The following CCSER1 variants were observed in gnomAD, a reference collection of about 807,000 sequenced individuals.
CCSER1 encodes coiled-coil serine rich protein 1, also known as serine-rich coiled-coil domain-containing protein 1.
CCSER1 carries 41 observed loss-of-function variants against 82.0 expected under a neutral mutation model. The observed-to-expected ratio is 0.50, with a 90% CI of 0.39 to 0.65. CCSER1 has a LOEUF of 0.65. Ranked by LOEUF, CCSER1 falls within the 30% of genes least tolerant of loss-of-function variation. CCSER1 has a pLI of 0.00. For synonymous variants in CCSER1, 414 were observed against 383.9 expected, an observed-to-expected ratio of 1.08 and a Z score of -0.92; for missense variants, 1,119 against 1,064.2, an observed-to-expected ratio of 1.05 and a Z score of -0.72.
chr4:90,963,834 T>C (rs956248543), intron 9 of CCSER1, among the ~76,000 whole-genome samples: 1 of 152,210 alleles, frequency 6.6e-6, no homozygotes, highest in African/African-American at 2.4e-5. Flanking sequence ...TTATGATCTA[T>C]TGAAAGGTTC....
intron 10 of CCSER1, among the ~76,000 whole-genome samples, chr4:91,470,628 T>C (rs1757224146): frequency 6.6e-6 from 1 of 152,070 alleles, no homozygotes; most frequent in South Asian, 2.1e-4. Context: ...CTCATGCCTA[T>C]TCTGATAGAA....
intron 7 of CCSER1, among the ~76,000 whole-genome samples, chr4:90,813,491 A>G (rs925642070): frequency 4.3e-4 from 65 of 152,270 alleles, no homozygotes; most frequent in African/African-American, 1.5e-3. Context: ...CTTGAATTGT[A>G]TCTCCCAGAA....
chr4:90,705,486 A>C (rs1190254683), intron 6 of CCSER1, among the ~76,000 whole-genome samples: 1 of 151,996 alleles, frequency 6.6e-6, no homozygotes, highest in Non-Finnish European at 1.5e-5. Context: ...GAGAACTACT[A>C]CTCTCTTCAA....
chr4:91,166,400 AC>A (rs1322848369), intron 10 of CCSER1, among the ~76,000 whole-genome samples: 3 of 152,156 alleles, frequency 2.0e-5, no homozygotes, highest in Non-Finnish European at 4.4e-5. Flanking sequence ...CTTTCCCATT[AC>A]CCAAATGTTC....
At chr4:90,573,319 G>A (rs1333808953) in intron 5 of CCSER1, among the ~76,000 whole-genome samples, 2 of 152,180 alleles carry the variant, frequency 1.3e-5, no homozygotes, top group Non-Finnish European at 2.9e-5. Context: ...GTTGCAGCTG[G>A]GTCAGGTCTG....
At chr4:90,845,357 T>G (rs1015159840) in intron 8 of CCSER1, among the ~76,000 whole-genome samples, 4 of 101,752 alleles carry the variant, frequency 3.9e-5, no homozygotes, top group Non-Finnish European at 7.5e-5. Context: ...TGAGACGCCA[T>G]CTAAAAAAAA....
At chr4:91,103,609 T>A (rs890863399) in intron 10 of CCSER1, among the ~76,000 whole-genome samples, 19 of 152,172 alleles carry the variant, frequency 1.2e-4, no homozygotes, top group African/African-American at 4.6e-4. Context: ...CATGGACGTT[T>A]ATCAGTTCCC....
intron 5 of CCSER1, among the ~76,000 whole-genome samples, chr4:90,585,962 T>G (rs555798232): frequency 1.3e-5 from 2 of 152,174 alleles, no homozygotes; most frequent in Non-Finnish European, 2.9e-5. Context: ...AACTTACAAC[T>G]GAAAAATAGG....
rs1730252772 is a variant in CCSER1, at chr4:90,932,986, A to AAGAAAGAAAGAAAGAAAGAAAG, written c.2172+9541_2172+9562dup. On this transcript the variant is annotated intron_variant, in intron 9 of 10. Transcript: ENST00000509176. ...AGAAAGAAAGAAAGAAAGAAAGAGA[A>AAGAAAGAAAGAAAGAAAGAAAG]AGAAAGAAAGAAAGAAAGAAAGAAA... Among the ~76,000 whole-genome samples, 9 of 29,174 alleles carry AAGAAAGAAAGAAAGAAAGAAAG rather than the reference A, an allele frequency of 3.1e-4. 2 individuals are homozygous for AAGAAAGAAAGAAAGAAAGAAAG. The highest frequency in any genetic ancestry group is 8.5e-4 in the South Asian group (1 of 1,172). 19.1% of individuals were successfully genotyped at this position (29,174 alleles called of 152,430 possible).
intron 8 of CCSER1, among the ~76,000 whole-genome samples, chr4:90,826,632 G>T (rs570964466): frequency 3.3e-5 from 5 of 152,220 alleles, no homozygotes; most frequent in East Asian, 1.9e-4. Flanking sequence ...AATTCAGGGG[G>T]ATTATGTGAT....
intron 10 of CCSER1, among the ~76,000 whole-genome samples, chr4:91,304,214 C>T (rs1315455149): frequency 1.3e-5 from 2 of 151,730 alleles, no homozygotes; most frequent in Non-Finnish European, 2.9e-5. Context: ...AAATGAAATT[C>T]AAAATTTTAT....
intron 8 of CCSER1, among the ~76,000 whole-genome samples, chr4:90,895,588 A>G (rs1723587191): frequency 1.3e-5 from 2 of 151,972 alleles, no homozygotes; most frequent in South Asian, 4.1e-4. Context: ...TTCACAATGA[A>G]GTAAAATGTA....
intron 10 of CCSER1, among the ~76,000 whole-genome samples, chr4:91,276,293 C>CTTTTTTT (rs545936410): frequency 3.4e-5 from 4 of 116,262 alleles, no homozygotes; most frequent in East Asian, 2.6e-4. Flanking sequence ...GATGTCTTTC[C>CTTTTTTT]TTTTTTTTTT....
chr4:91,173,160 T>C (rs908261889), intron 10 of CCSER1, among the ~76,000 whole-genome samples: 1 of 152,160 alleles, frequency 6.6e-6, no homozygotes, highest in Non-Finnish European at 1.5e-5. Flanking sequence ...GCTAAGTAAT[T>C]ATATGTGAGG....
chr4:91,326,651 T>C (rs1000211469), intron 10 of CCSER1, among the ~76,000 whole-genome samples: 2 of 152,200 alleles, frequency 1.3e-5, no homozygotes, highest in Non-Finnish European at 1.5e-5. Flanking sequence ...TCCTAACTCA[T>C]TCCATCATTA....
chr4:90,356,716 A>G (rs940372940), intron 3 of CCSER1, among the ~76,000 whole-genome samples: 4 of 151,886 alleles, frequency 2.6e-5, no homozygotes, highest in Admixed American at 2.0e-4. Context: ...TATGTATCCA[A>G]TACTGATACC....
In CCSER1 at chr4:90,455,818, A is replaced by G. The variant is rs571389425; in HGVS notation, c.1604-12416A>G. On this transcript the variant is annotated intron_variant, in intron 4 of 10. Coordinates refer to ENST00000509176, the MANE Select transcript of CCSER1 (RefSeq NM_001145065.2). The stretch of plus-strand genomic sequence containing the variant: ...GGTAGGAGGATGACCTCCATCCACG[A>G]TGCAGGAGGGCCTAGTTGGCAGGAG... 2.0e-5 allele frequency among the ~76,000 whole-genome samples: 3 copies of G among 152,252 alleles called. No individual in the cohort carries two copies. In the East Asian group the frequency reaches 5.8e-4, roughly 29 times the overall value.
chr4:90,872,889 A>G (rs1011257103), intron 8 of CCSER1, among the ~76,000 whole-genome samples: 43 of 152,002 alleles, frequency 2.8e-4, no homozygotes, highest in African/African-American at 1.0e-3. Context: ...CTTTAAATAT[A>G]TCATGCCACC....
chr4:90,499,142 G>A (rs960480119), intron 5 of CCSER1, among the ~76,000 whole-genome samples: 5 of 151,876 alleles, frequency 3.3e-5, no homozygotes, highest in Non-Finnish European at 5.9e-5. Context: ...GCATATGTGT[G>A]TGTTTGTGTG....
Sources: gnomAD v4.1 joint callset for allele counts (sites outside exome capture counted in the v4.1 genomes callset) on GRCh38, gnomAD v4.1.1 for gene constraint, MANE v1.5 for transcripts, NCBI Gene and HGNC (gene_info 2026-07-23, HGNC 2026-07-21) for gene names.